The following TMCC1 variants were observed in gnomAD, a reference collection of about 807,000 sequenced individuals.
The protein encoded by TMCC1 is transmembrane and coiled-coil domain family 1.
Under a neutral mutation model 52.4 loss-of-function variants are expected in TMCC1, and 15 were observed. That is an observed-to-expected ratio of 0.29 (90% CI 0.19 to 0.44). TMCC1 has a LOEUF of 0.44. Among genes scored for constraint, TMCC1 ranks in the 20% least tolerant of loss-of-function variants. The probability of loss-of-function intolerance (pLI) is 1.00; values close to 1 mark genes in which losing one functional copy is unlikely to be tolerated. For synonymous variants in TMCC1, 279 were observed against 301.9 expected, an observed-to-expected ratio of 0.92 and a Z score of 0.79; for missense variants, 503 against 806.0, an observed-to-expected ratio of 0.62 and a Z score of 4.55.
chr3:129,733,890 C>T (rs980094570), intron 4 of TMCC1, among the ~76,000 whole-genome samples: 6 of 151,194 alleles, frequency 4.0e-5, no homozygotes, highest in East Asian at 3.9e-4. Flanking sequence ...TTCACATCCA[C>T]GAACAGGCAA....
chr3:129,733,358 A>G (rs1347358312), intron 4 of TMCC1, among the ~76,000 whole-genome samples: 3 of 152,242 alleles, frequency 2.0e-5, no homozygotes, highest in South Asian at 2.1e-4. Context: ...TATCAGTTCA[A>G]TGGCAGACTA....
chr3:129,716,148 T>C (rs1216016505), intron 4 of TMCC1, among the ~76,000 whole-genome samples: 1 of 95,390 alleles, frequency 1.0e-5, no homozygotes, highest in Non-Finnish European at 2.0e-5. Flanking sequence ...TTTCAGCCAC[T>C]TTTTTTCTTT....
intron 4 of TMCC1, among the ~76,000 whole-genome samples, chr3:129,692,881 T>A (rs2108953340): frequency 6.6e-6 from 1 of 152,284 alleles, no homozygotes; most frequent in Non-Finnish European, 1.5e-5. Context: ...CTTGCTCTGT[T>A]GCCCAGGCTG....
Position 129,729,896 on chromosome 3 carries a change from C to T in TMCC1, c.577-58632G>A, listed in dbSNP as rs117657207. On this transcript the variant is annotated intron_variant, in intron 4 of 6. Coordinates refer to ENST00000393238, the MANE Select transcript of TMCC1 (RefSeq NM_001017395.5). ...AGGCTGAGATGGGAGGAATATTGAG[C>T]GGAGATGGGAGGAATAATTGAGCCC... 2.2e-3 allele frequency among the ~76,000 whole-genome samples: 334 copies of T among 152,024 alleles called. 13 individuals carry two copies. The East Asian group carries it at 0.055, about 25-fold the overall frequency.
At chr3:129,789,343 A>G (rs2056283507) in intron 4 of TMCC1, among the ~76,000 whole-genome samples, 1 of 152,234 alleles carries the variant, frequency 6.6e-6, no homozygotes, top group Non-Finnish European at 1.5e-5. Flanking sequence ...TTTACTTTTA[A>G]AAAGATATCA....
At chr3:129,778,407 C>T (rs913569135) in intron 4 of TMCC1, among the ~76,000 whole-genome samples, 1 of 152,182 alleles carries the variant, frequency 6.6e-6, no homozygotes, top group South Asian at 2.1e-4. Flanking sequence ...TTCACTGGTG[C>T]CTTTGTTCCA....
chr3:129,851,888 G>A (rs1202415680), intron 2 of TMCC1, among the ~76,000 whole-genome samples: 1 of 152,178 alleles, frequency 6.6e-6, no homozygotes, highest in Admixed American at 6.5e-5. Context: ...GGTGGCTCAC[G>A]CCCATAATCC....
intron 1 of TMCC1, among the ~76,000 whole-genome samples, chr3:129,887,006 T>C (rs2061738132): frequency 1.3e-5 from 2 of 152,038 alleles, no homozygotes. Context: ...GTGACATGTT[T>C]AGAATAGGCA....
At chr3:129,674,620 A>G (rs960642948) in intron 4 of TMCC1, among the ~76,000 whole-genome samples, 1 of 152,134 alleles carries the variant, frequency 6.6e-6, no homozygotes, top group Non-Finnish European at 1.5e-5. Context: ...AAGAAAGAGA[A>G]AGTTACATTG....
chr3:129,792,401 G>A (rs1266643663), intron 4 of TMCC1, among the ~76,000 whole-genome samples: 1 of 151,852 alleles, frequency 6.6e-6, no homozygotes, highest in East Asian at 1.9e-4. Context: ...AGGCTGGAGT[G>A]CAGTGGCATG....
intron 4 of TMCC1, among the ~76,000 whole-genome samples, chr3:129,709,092 C>A (rs922835661): frequency 2.0e-5 from 3 of 151,986 alleles, no homozygotes; most frequent in African/African-American, 7.3e-5. Flanking sequence ...CAGAAAATAC[C>A]TTTGCATATC....
intron 4 of TMCC1, chr3:129,688,744 A>ACTCTT: frequency 1.0e-6 from 1 of 985,352 alleles, no homozygotes; most frequent in South Asian, 4.7e-5. Flanking sequence ...GAATAGTTTG[A>ACTCTT]CTCTGAGAAT....
chr3:129,849,663 G>GGC (rs2059824450), intron 2 of TMCC1, among the ~76,000 whole-genome samples: 2 of 151,554 alleles, frequency 1.3e-5, no homozygotes, highest in South Asian at 4.2e-4. Flanking sequence ...CTACTCAGGA[G>GGC]GCTGAGGCAG....
Position 129,650,266 on chromosome 3 carries a change from G to A in TMCC1, c.*1215C>T, listed in dbSNP as rs1253629309. 9.7e-6 allele frequency: 1 copy of A among 103,148 alleles called. No homozygotes were observed. Among genetic ancestry groups the A allele is most frequent in the African/African-American group, 3.1e-5 (1 of 32,714 alleles). The allele number at this position is 103,148 out of a possible 1,614,324, so 6.4% of individuals were successfully genotyped here. A position where few individuals can be genotyped will look rare whatever the true frequency, so the allele number is the denominator to read the frequency against. On this transcript the variant is annotated 3_prime_UTR_variant, in exon 7 of 7. Transcript: ENST00000393238. ...CCCAGCCCAAGATCACTGGGTGAAC[G>A]TTTTCTTGGGGCAAAAAAAAAAAAA... is the stretch of plus-strand genomic sequence containing the variant.
Position 129,826,603 on chromosome 3 carries a change from A to G in TMCC1, c.576+1200T>C, listed in dbSNP as rs2058671947. Among the ~76,000 whole-genome samples the G allele has an allele frequency of 2.6e-5, 4 of 152,154 alleles. No individual in the cohort carries two copies. The South Asian group carries it at 8.3e-4, about 31-fold the overall frequency. On this transcript the variant is annotated intron_variant, in intron 4 of 6. Transcript: ENST00000393238. Reference sequence around the variant, plus strand: ...TTCACATCATTATTTTGACAGGTTTAAAGTGATTTACTGTCCATTATCTAT... The same window carrying G: ...TTCACATCATTATTTTGACAGGTTTGAAGTGATTTACTGTCCATTATCTAT...
At chr3:129,773,236 T>C (rs994772454) in intron 4 of TMCC1, among the ~76,000 whole-genome samples, 3 of 152,194 alleles carry the variant, frequency 2.0e-5, no homozygotes, top group African/African-American at 7.2e-5. Context: ...CTCCAGAATA[T>C]ATCAAGCTAA....
intron 1 of TMCC1, among the ~76,000 whole-genome samples, chr3:129,886,875 T>C (rs927785710): frequency 6.7e-6 from 1 of 150,314 alleles, no homozygotes; most frequent in Non-Finnish European, 1.5e-5. Context: ...AGGCGGAGGT[T>C]GCAGTGAGCC....
intron 5 of TMCC1, among the ~76,000 whole-genome samples, chr3:129,655,665 AC>A (rs2086621516): frequency 6.6e-6 from 1 of 152,228 alleles, no homozygotes; most frequent in African/African-American, 2.4e-5. Context: ...CCTGCTATGT[AC>A]CAGGCATGTT....
chr3:129,824,386 C>T (rs2107825285), intron 4 of TMCC1, among the ~76,000 whole-genome samples: 1 of 152,166 alleles, frequency 6.6e-6, no homozygotes, highest in South Asian at 2.1e-4. Flanking sequence ...AGAAGCATCC[C>T]TATGATATTA....
Sources: allele counts gnomAD v4.1 joint callset (sites outside exome capture counted in the v4.1 genomes callset), GRCh38; gene constraint gnomAD v4.1.1; transcripts MANE v1.5; gene names NCBI Gene and HGNC (gene_info 2026-07-23, HGNC 2026-07-21).